Variants in FSTL4 observed in about 807,000 individuals in gnomAD.
The protein encoded by FSTL4 is follistatin-related protein 4.
A neutral mutation model predicts 78.2 loss-of-function variants in FSTL4; 28 were observed. That is an observed-to-expected ratio of 0.36 (90% CI 0.27 to 0.49). The LOEUF (loss-of-function observed/expected upper bound fraction) is 0.49, where lower values mean the gene tolerates loss of function less well. Among genes scored for constraint, FSTL4 ranks in the 20% least tolerant of loss-of-function variants. FSTL4 has a pLI of 0.98. For synonymous variants in FSTL4, 422 were observed against 440.5 expected, an observed-to-expected ratio of 0.96 and a Z score of 0.53; for missense variants, 922 against 1,084.9, an observed-to-expected ratio of 0.85 and a Z score of 2.11.
At chr5:133,749,621 T>C in the FSTL4 span, among the ~76,000 whole-genome samples, 1 of 152,212 alleles carries the variant, frequency 6.6e-6, no homozygotes, top group South Asian at 2.1e-4. Flanking sequence ...ATTTTGCCCT[T>C]TCCAAAGCCT....
the FSTL4 span, among the ~76,000 whole-genome samples, chr5:133,640,565 CAGG>C: frequency 1.3e-5 from 2 of 152,178 alleles, no homozygotes; most frequent in Non-Finnish European, 2.9e-5. Flanking sequence ...ATGTTAACAT[CAGG>C]AGAAATACCA....
chr5:133,541,739 C>T (rs543372699), intron 3 of FSTL4, among the ~76,000 whole-genome samples: 6 of 152,156 alleles, frequency 3.9e-5, no homozygotes, highest in East Asian at 1.9e-4. Context: ...ATGTTTTGAG[C>T]GCTGCTTTAT....
the FSTL4 span, among the ~76,000 whole-genome samples, chr5:133,697,898 T>A: frequency 1.2e-4 from 17 of 138,742 alleles, no homozygotes; most frequent in African/African-American, 5.0e-4. Context: ...TCTGTCCCTG[T>A]CACCAGGGGA....
chr5:133,690,236 T>A, the FSTL4 span, among the ~76,000 whole-genome samples: 1 of 152,128 alleles, frequency 6.6e-6, no homozygotes, highest in Non-Finnish European at 1.5e-5. Context: ...ATTCCATTAA[T>A]AAGATCAGAC....
the FSTL4 span, among the ~76,000 whole-genome samples, chr5:133,726,518 A>G: frequency 3.9e-5 from 6 of 152,196 alleles, no homozygotes; most frequent in Non-Finnish European, 1.5e-5. Context: ...CTGCTACTGA[A>G]ATTATTCCAA....
intron 4 of FSTL4, among the ~76,000 whole-genome samples, chr5:133,379,534 G>A (rs1010173745): frequency 9.2e-5 from 14 of 152,098 alleles, no homozygotes; most frequent in Non-Finnish European, 1.9e-4. Flanking sequence ...TAAAAGAACT[G>A]AAGTCACACA....
chr5:133,458,432 G>T (rs1757533811), intron 3 of FSTL4: 1 of 152,242 alleles, frequency 6.6e-6, no homozygotes, highest in Non-Finnish European at 1.5e-5. Context: ...CACCTCCTTG[G>T]GTAGTGAGCC....
chr5:133,418,345 T>G (rs1756622461), intron 3 of FSTL4, among the ~76,000 whole-genome samples: 1 of 151,864 alleles, frequency 6.6e-6, no homozygotes, highest in Non-Finnish European at 1.5e-5. Context: ...TTTGACAAAT[T>G]AGATAAAATG....
At chr5:133,545,627 T>C (rs1759559587) in intron 3 of FSTL4, among the ~76,000 whole-genome samples, 1 of 152,096 alleles carries the variant, frequency 6.6e-6, no homozygotes, top group African/African-American at 2.4e-5. Context: ...TAAGAGAAAA[T>C]TGACACAAAA....
intron 8 of FSTL4, among the ~76,000 whole-genome samples, chr5:133,230,144 CACCAGGGCTGGACACTGGCCTGT>C (rs1561631836): frequency 6.6e-6 from 1 of 152,190 alleles, no homozygotes; most frequent in South Asian, 2.1e-4. Context: ...AGGTGGCCAG[CACCAGGGCTGGACACTGGCCTGT>C]GCCTCAGCCC....
chr5:133,632,861 T>C, the FSTL4 span, among the ~76,000 whole-genome samples: 1 of 152,040 alleles, frequency 6.6e-6, no homozygotes, highest in Admixed American at 6.6e-5. Flanking sequence ...TAATTTTTTT[T>C]GTATTTTTGT....
At chr5:133,312,070 C>T (rs934991725) in intron 6 of FSTL4, among the ~76,000 whole-genome samples, 1 of 152,190 alleles carries the variant, frequency 6.6e-6, no homozygotes, top group Non-Finnish European at 1.5e-5. Context: ...GAAGGCATCC[C>T]ATCCACTTGC....
intron 6 of FSTL4, among the ~76,000 whole-genome samples, chr5:133,278,054 A>AC (rs1228339996): frequency 6.6e-6 from 1 of 152,066 alleles, no homozygotes; most frequent in Non-Finnish European, 1.5e-5. Context: ...GGGAAAACTA[A>AC]CCCCAGGAAC....
intron 6 of FSTL4, among the ~76,000 whole-genome samples, chr5:133,280,998 C>T (rs1251184773): frequency 6.6e-6 from 1 of 152,246 alleles, no homozygotes; most frequent in Non-Finnish European, 1.5e-5. Flanking sequence ...GCAGGAACCA[C>T]ATCTGGCTTT....
the FSTL4 span, among the ~76,000 whole-genome samples, chr5:133,705,431 AC>A: frequency 2.0e-5 from 3 of 152,104 alleles, no homozygotes; most frequent in East Asian, 5.8e-4. Context: ...CAGGCTCCAC[AC>A]ACCTCCTTCT....
At chr5:133,307,782 T>TA (rs1753687908) in intron 6 of FSTL4, among the ~76,000 whole-genome samples, 1 of 109,152 alleles carries the variant, frequency 9.2e-6, no homozygotes, top group African/African-American at 2.7e-5. Flanking sequence ...CTCCCAATTT[T>TA]CTTTTTTTTT....
the FSTL4 span, among the ~76,000 whole-genome samples, chr5:133,668,215 C>A: frequency 6.6e-6 from 1 of 152,294 alleles, no homozygotes; most frequent in South Asian, 2.1e-4. Context: ...CTGGTCAGCA[C>A]AATTCTCTCA....
intron 11 of FSTL4, among the ~76,000 whole-genome samples, chr5:133,221,891 GTTTTTTTTTTTTTTTTTTTTTTTTT>G (rs59400068): frequency 2.3e-5 from 1 of 43,360 alleles, no homozygotes; most frequent in East Asian, 1.5e-3. Flanking sequence ...CTCTTTTCTA[GTTTTTTTTTTTTTTTTTTTTTTTTT>G]TTTTTTTTTT....
chr5:133,644,754 A>G, the FSTL4 span, among the ~76,000 whole-genome samples: 4 of 152,078 alleles, frequency 2.6e-5, no homozygotes. Flanking sequence ...CCTGCCCTCT[A>G]CCTGGGTCTG....
Sources: allele counts gnomAD v4.1 joint callset (sites outside exome capture counted in the v4.1 genomes callset), GRCh38; gene constraint gnomAD v4.1.1; transcripts MANE v1.5; gene names NCBI Gene and HGNC (gene_info 2026-07-23, HGNC 2026-07-21).